ERN2: variants seen among roughly 807,000 people sequenced by gnomAD.
The protein encoded by ERN2 is serine/threonine-protein kinase/endoribonuclease IRE2.
In ERN2, 111 loss-of-function variants were observed where a neutral mutation model predicts 107.9. That is an observed-to-expected ratio of 1.03 (90% CI 0.88 to 1.20). The LOEUF (loss-of-function observed/expected upper bound fraction) is 1.20. Among genes scored for constraint, ERN2 ranks in the 50% most tolerant of loss-of-function variants. The probability of loss-of-function intolerance (pLI) is 0.00; values close to 1 mark genes in which losing one functional copy is unlikely to be tolerated. For missense variants in ERN2, 1,225 were observed against 1,197.9 expected (o/e 1.02, Z -0.33); for synonymous variants, 524 against 501.7 (o/e 1.04, Z -0.59).
Position 23,690,914 on chromosome 16 carries a change from A to C in ERN2, c.2698T>G (p.Cys900Gly). The change falls in exon 22 of 22, where the codon TGC becomes GGC. Residue 900 changes from cysteine to glycine, a missense_variant. Coordinates refer to ENST00000256797, the MANE Select transcript of ERN2 (RefSeq NM_033266.4). ...GGCAGGAAGAGGCTCTCAGAGGCGC[A>C]GCTCCTCATGGCTCGGTGCGTGTGG... is the stretch of plus-strand genomic sequence containing the variant. ...LLHTHRAMRS[C>G]ASESLFLPYY... 1.2e-6 allele frequency: 2 copies of C among 1,614,090 alleles called. No individual in the cohort carries two copies. Among genetic ancestry groups the C allele is most frequent in the South Asian group, 1.1e-5 (1 of 91,080 alleles).
intron 3 of ERN2, 118 bp from the exon 4 acceptor site, chr16:23,710,362 G>A: frequency 8.5e-7 from 1 of 1,175,374 alleles, no homozygotes; most frequent in Non-Finnish European, 1.3e-6. Flanking sequence ...GAAACATCAT[G>A]GGGCTCCAAG....
intron 13 of ERN2, among the ~76,000 whole-genome samples, chr16:23,696,297 G>A (rs1004107853): frequency 1.3e-5 from 2 of 152,210 alleles, no homozygotes; most frequent in African/African-American, 4.8e-5. Context: ...ACGGGTGGAG[G>A]TGATGTTTGC....
chr16:23,709,922 C>T (rs527779850), intron 4 of ERN2: 1 of 456,594 alleles, frequency 2.2e-6, no homozygotes, highest in Admixed American at 3.8e-5. Flanking sequence ...TCTTTAAAGC[C>T]CTCAGAGTCC....
chr16:23,711,118 T>C, intron 1 of ERN2, 100 bp from the exon 2 acceptor site: 2 of 740,108 alleles, frequency 2.7e-6, no homozygotes, highest in East Asian at 2.5e-5. Context: ...TTCCCCCAGA[T>C]GGGGATGCAG....
chr16:23,700,857 G>A (rs2141013075), intron 12 of ERN2, 102 bp downstream of exon 12: 1 of 1,480,744 alleles, frequency 6.8e-7, no homozygotes, highest in East Asian at 2.3e-5. Flanking sequence ...GAGGCAGGGG[G>A]CAAAATCAGA....
chr16:23,703,476 T>C (rs888459349), intron 8 of ERN2, among the ~76,000 whole-genome samples: 1 of 152,228 alleles, frequency 6.6e-6, no homozygotes, highest in African/African-American at 2.4e-5. Flanking sequence ...TAGTTTCTGC[T>C]CTAGTATAAA....
At chr16:23,702,125 C>A in intron 11 of ERN2, 27 bp downstream of exon 11, 1 of 1,602,454 alleles carries the variant, frequency 6.2e-7, no homozygotes. Flanking sequence ...CCTCCCTACC[C>A]CCACTCTCTC....
At chr16:23,708,548 G>A (rs529847205) in intron 4 of ERN2, among the ~76,000 whole-genome samples, 3 of 151,888 alleles carry the variant, frequency 2.0e-5, no homozygotes, top group African/African-American at 7.2e-5. Context: ...GGTAGAGACG[G>A]GGTTTCACCA....
intron 8 of ERN2, among the ~76,000 whole-genome samples, chr16:23,704,465 C>T (rs1266957508): frequency 1.3e-5 from 2 of 152,176 alleles, no homozygotes; most frequent in Admixed American, 1.3e-4. Context: ...CTCTCTTTGC[C>T]TGCCGCCATC....
rs554107444 is a variant in ERN2 at position 23,702,332 on chromosome 16, G to A, written c.1081+58C>T. On this transcript the variant is annotated intron_variant, in intron 10 of 21. Transcript: ENST00000256797. ...GGGACCTTAGCTTTCCAGCTCAGAA[G>A]CTGGGCTCACAGGTTCTTTATCTTC... 2.5e-6 allele frequency: 4 copies of A among 1,611,494 alleles called. No individual in the cohort carries two copies. The African/African-American group carries it at 4.0e-5, about 16-fold the overall frequency.
Position 23,698,001 on chromosome 16 carries a change from A to C in ERN2, c.1526-2023T>G, listed in dbSNP as rs8055515. ...CTGGGCTCAAGCAATCCTCCCACCT[A>C]AGCCTCCCAAGCTCAATTCTAAAGT... On this transcript the variant is annotated intron_variant, in intron 13 of 21. Coordinates refer to ENST00000256797, the MANE Select transcript of ERN2 (RefSeq NM_033266.4). Among the ~76,000 whole-genome samples, 91 of 152,110 alleles carry C rather than the reference A, an allele frequency of 6.0e-4. 1 individual carries two copies. The highest frequency in any genetic ancestry group is 2.1e-3 in the African/African-American group (89 of 41,506).
rs941463655 is a variant in ERN2 at position 23,702,279 on chromosome 16, G to A, written c.1082-6C>T. The stretch of plus-strand genomic sequence containing the variant: ...TGGGGGTAGCTCGTGGTGTCCTAAG[G>A]TGGGGGGCAAAAGTCATCAGGCTGA... On this transcript the variant is annotated splice_region_variant and splice_polypyrimidine_tract_variant and intron_variant, in intron 10 of 21. Transcript: ENST00000256797. 1 of 1,614,046 alleles carries A rather than the reference G, an allele frequency of 6.2e-7. No individual in the cohort carries two copies. Among genetic ancestry groups the A allele is most frequent in the Non-Finnish European group, 8.5e-7 (1 of 1,180,006 alleles).
rs202130984 is a variant in ERN2 at position 23,706,789 on chromosome 16, C to A, written c.452G>T (p.Gly151Val). The change falls in exon 6 of 22, where the codon GGT (glycine) becomes GTT (valine). Residue 151 changes from glycine (G) to valine (V), a missense_variant. Physicochemically the swap from Gly to Val is moderately radical, Grantham distance 109. Coordinates refer to ENST00000256797, the MANE Select transcript of ERN2 (RefSeq NM_033266.4). ...GETQMTLTTEGPSTPRLYIGR... is the reference protein window; with the variant it reads ...GETQMTLTTEVPSTPRLYIGR... ...AATGTAGAGGCGGGGGGTGGAGGGA[C>A]CCTCTGTGGTCAGTGTCATCTGGGT... 4 of 1,611,548 alleles carry A rather than the reference C, an allele frequency of 2.5e-6. No homozygotes were observed. The highest frequency in any genetic ancestry group is 1.7e-4 in the Middle Eastern group (1 of 5,948).
In ERN2 at chr16:23,691,427, T is replaced by C; in HGVS notation, c.2377-2A>G. 1 of 1,598,428 alleles carries C rather than the reference T, an allele frequency of 6.3e-7. No homozygotes were observed. The highest frequency in any genetic ancestry group is 8.5e-7 in the Non-Finnish European group (1 of 1,179,438). On this transcript the variant is annotated splice_acceptor_variant, in intron 19 of 21. Transcript: ENST00000256797. LOFTEE classifies it high-confidence loss of function. The stretch of plus-strand genomic sequence containing the variant: ...CTTCTCCAGCCAGTCACTGACGTCC[T>C]GGGGCCCAGAGAGCTCCTGAGCCTT...
rs1207004768 is a variant in ERN2, at chr16:23,694,900, A to G, written c.1928T>C (p.Ile643Thr). 7 of 1,614,238 alleles carry G rather than the reference A, an allele frequency of 4.3e-6. No homozygotes were observed. The highest frequency in any genetic ancestry group is 1.3e-5 in the African/African-American group (1 of 75,068). ...CTGGCTGTCAGGCCCGGTGATGAGAATATTTCCTGGCTTCAGGTCCCGGTG... is the reference window on the plus strand; with the variant it reads ...CTGGCTGTCAGGCCCGGTGATGAGAGTATTTCCTGGCTTCAGGTCCCGGTG... The part of the protein sequence containing the change: ...IVHRDLKPGN[I>T]LITGPDSQGL... The change falls in exon 17 of 22, where the codon ATT (isoleucine) becomes ACT (threonine). Residue 643 changes from isoleucine to threonine, a missense_variant. Coordinates refer to ENST00000256797, the MANE Select transcript of ERN2 (RefSeq NM_033266.4).
chr16:23,698,828 T>C (rs1045264004), intron 13 of ERN2, among the ~76,000 whole-genome samples: 1 of 152,134 alleles, frequency 6.6e-6, no homozygotes, highest in Non-Finnish European at 1.5e-5. Flanking sequence ...CCTCAAGTGA[T>C]CCCCCTGCCT....
intron 4 of ERN2, chr16:23,709,898 G>A (rs138005070): frequency 2.7e-6 from 1 of 367,144 alleles, no homozygotes; most frequent in African/African-American, 2.0e-5. Flanking sequence ...AAAGCTAACT[G>A]GTATATACAT....
intron 8 of ERN2, 130 bp downstream of exon 8, chr16:23,704,753 A>T: frequency 9.3e-7 from 1 of 1,071,586 alleles, no homozygotes; most frequent in Non-Finnish European, 1.4e-6. Context: ...TAAGTAACCA[A>T]TTTGAAATGT....
chr16:23,704,875 A>G lies in ERN2; in HGVS notation c.854+8T>C. 6.2e-7 allele frequency: 1 copy of G among 1,604,294 alleles called. No homozygotes were observed. Among genetic ancestry groups the G allele is most frequent in the Non-Finnish European group, 8.5e-7 (1 of 1,178,168 alleles). ...CTCCCTCCCTGGGCCCCAGGCACGAACACCTACAGCAGCTGGGTGTCCAAG... is the reference window on the plus strand; with the variant it reads ...CTCCCTCCCTGGGCCCCAGGCACGAGCACCTACAGCAGCTGGGTGTCCAAG... On this transcript the variant is annotated splice_region_variant and intron_variant, in intron 8 of 21. Transcript: ENST00000256797.
Sources: allele counts gnomAD v4.1 joint callset (sites outside exome capture counted in the v4.1 genomes callset), GRCh38; gene constraint gnomAD v4.1.1; transcripts MANE v1.5; gene names NCBI Gene and HGNC (gene_info 2026-07-23, HGNC 2026-07-21).